C2orf42: variants seen among roughly 807,000 people sequenced by gnomAD.
C2orf42 encodes the protein chromosome 2 open reading frame 42, also known as uncharacterized protein C2orf42.
C2orf42 carries 44 observed loss-of-function variants against 58.9 expected under a neutral mutation model. The ratio of observed to expected loss-of-function variants is 0.75; its 90% confidence interval spans 0.59 to 0.96. C2orf42 has a LOEUF of 0.96. C2orf42 is among the 40% of genes least tolerant of loss of function. The pLI is 0.00. For missense variants in C2orf42, 630 were observed against 699.2 expected (o/e 0.90, Z 1.12); for synonymous variants, 239 against 265.4 (o/e 0.90, Z 0.97).
At chr2:70,175,626 G>A (rs773203772) in intron 5 of C2orf42, 47 bp downstream of exon 5, 14 of 1,097,642 alleles carry the variant, frequency 1.3e-5, no homozygotes, top group Non-Finnish European at 2.0e-5. Context: ...GGCTTCTTTA[G>A]GATGACTTTC....
At position 70,181,598 on chromosome 2, in the gene C2orf42, C is replaced by G; in HGVS notation, c.388G>C (p.Glu130Gln). The G allele has an allele frequency of 2.5e-6, 4 of 1,614,092 alleles. No homozygotes were observed. Among genetic ancestry groups the G allele is most frequent in the Non-Finnish European group, 2.5e-6 (3 of 1,180,026 alleles). The change falls in exon 3 of 10, where the codon GAA becomes CAA. Residue 130 changes from glutamate to glutamine, a missense_variant. By Grantham distance (29) the Glu-to-Gln change is conservative. Transcript: ENST00000264434. ...CLKAATQGVVENQCQHIKLAV... is the reference protein window; with the variant it reads ...CLKAATQGVVQNQCQHIKLAV... Reference sequence around the variant, plus strand: ...AGCTTGATGTGCTGGCACTGGTTTTCCACAACGCCTTGAGTGGCAGCTTTC... The same window carrying G: ...AGCTTGATGTGCTGGCACTGGTTTTGCACAACGCCTTGAGTGGCAGCTTTC...
intron 8 of C2orf42, among the ~76,000 whole-genome samples, chr2:70,162,222 G>C (rs920485864): frequency 3.3e-5 from 5 of 151,866 alleles, no homozygotes; most frequent in Non-Finnish European, 7.4e-5. Flanking sequence ...TGTTGGCGAA[G>C]CTGGTCTCAA....
At chr2:70,159,502 C>A (rs918334356) in intron 9 of C2orf42, among the ~76,000 whole-genome samples, 1 of 150,720 alleles carries the variant, frequency 6.6e-6, no homozygotes, top group African/African-American at 2.4e-5. Flanking sequence ...GCAGGGGAAT[C>A]GCTTGAATCC....
rs78858211 is a variant in C2orf42 at position 70,154,742 on chromosome 2, A to C, written c.1517-4178T>G. Among the ~76,000 whole-genome samples, 94 of 151,680 alleles carry C rather than the reference A, an allele frequency of 6.2e-4. 1 individual carries two copies. In the East Asian group the frequency reaches 0.017, roughly 28 times the overall value. On this transcript the variant is annotated intron_variant, in intron 9 of 9. Transcript: ENST00000264434. ...ATCATGATAAATTCCAGAGAATCAA[A>C]GTTTTTTGTTTTGTTTTGTTTTGTT...
At chr2:70,169,418 A>C (rs943218636) in intron 6 of C2orf42, 139 bp downstream of exon 6, 9 of 468,368 alleles carry the variant, frequency 1.9e-5, no homozygotes, top group Non-Finnish European at 3.8e-6. Flanking sequence ...TTTTCTTTCA[A>C]TTAGATTTCT....
At position 70,160,685 on chromosome 2, in the gene C2orf42, C is replaced by T. The variant is rs150172838; in HGVS notation, c.1456G>A (p.Gly486Ser). ...AGCACTGGTTGTTTTTCTATACGAC[C>T]GTAGGTTTCTGCTATGCTTTCTACT... ...VEVESIAETY[G>S]RIEKQPVLRP... is the part of the protein sequence containing the mutation. The change falls in exon 9 of 10, where the codon GGT becomes AGT. Residue 486 changes from glycine to serine, a missense_variant. Gly to Ser is a moderately conservative substitution (Grantham distance 56). Coordinates refer to ENST00000264434, the MANE Select transcript of C2orf42 (RefSeq NM_017880.3). 11 of 1,613,014 alleles carry T rather than the reference C, an allele frequency of 6.8e-6. No homozygotes were observed. The highest frequency in any genetic ancestry group is 3.3e-5 in the Admixed American group (2 of 59,790).
intron 9 of C2orf42, among the ~76,000 whole-genome samples, chr2:70,155,210 T>C (rs564948991): frequency 6.6e-6 from 1 of 151,898 alleles, no homozygotes; most frequent in South Asian, 2.1e-4. Flanking sequence ...ACCACTGCAC[T>C]CCAGCCTGGT....
rs766405577 is a variant in C2orf42 at position 70,173,909 on chromosome 2, T to G, written c.1039+1764A>C. Among the ~76,000 whole-genome samples the G allele has an allele frequency of 3.2e-4, 48 of 152,250 alleles. No individual in the cohort carries two copies. In the Middle Eastern group the frequency reaches 0.014, roughly 43 times the overall value. On this transcript the variant is annotated intron_variant, in intron 5 of 9. Coordinates refer to ENST00000264434, the MANE Select transcript of C2orf42 (RefSeq NM_017880.3). ...CCAGTCACATAAAACGCCTTTTTCC[T>G]TCAACTTTGAATCTCTATACCAATT...
chr2:70,150,460 A>G lies in C2orf42; in HGVS notation c.1621T>C (p.Tyr541His). The change falls in exon 10 of 10, where the codon TAT becomes CAT. Residue 541 changes from tyrosine (Y) to histidine (H), a missense_variant. Physicochemically the swap from Tyr to His is moderately conservative, Grantham distance 83. Coordinates refer to ENST00000264434, the MANE Select transcript of C2orf42 (RefSeq NM_017880.3). ...ACATGCCCATTCCGGTGGTGGCCATACTCAAACTTGATCCGCAGCTCGCCA... is the reference window on the plus strand; with the variant it reads ...ACATGCCCATTCCGGTGGTGGCCATGCTCAAACTTGATCCGCAGCTCGCCA... ...KIGELRIKFE[Y>H]GHHRNGHVAE... The G allele has an allele frequency of 6.2e-7, 1 of 1,614,130 alleles. No individual in the cohort carries two copies. The highest frequency in any genetic ancestry group is 8.5e-7 in the Non-Finnish European group (1 of 1,180,002).
intron 9 of C2orf42, among the ~76,000 whole-genome samples, chr2:70,158,394 A>G (rs1331418390): frequency 6.6e-6 from 1 of 152,114 alleles, no homozygotes; most frequent in East Asian, 1.9e-4. Context: ...GTTATCAAAC[A>G]TTAATTTAAA....
In C2orf42 at chr2:70,173,770, C is replaced by T. The variant is rs187402689; in HGVS notation, c.1039+1903G>A. Among the ~76,000 whole-genome samples the T allele has an allele frequency of 2.0e-5, 3 of 152,122 alleles. No individual in the cohort carries two copies. The East Asian group carries it at 5.8e-4, about 29-fold the overall frequency. On this transcript the variant is annotated intron_variant, in intron 5 of 9. Coordinates refer to ENST00000264434, the MANE Select transcript of C2orf42 (RefSeq NM_017880.3). ...TAGCTGAGTTTACAGGCATGTGACA[C>T]AACACCCAGCTAATTTTTTTTTGTT...
intron 6 of C2orf42, among the ~76,000 whole-genome samples, chr2:70,167,839 T>C (rs1673507516): frequency 1.3e-5 from 2 of 151,858 alleles, no homozygotes; most frequent in South Asian, 2.1e-4. Context: ...GTAATGGAGA[T>C]GGTAAGATGG....
At chr2:70,164,080 G>A (rs936153899) in intron 8 of C2orf42, among the ~76,000 whole-genome samples, 4 of 151,110 alleles carry the variant, frequency 2.6e-5, no homozygotes, top group South Asian at 2.1e-4. Context: ...GGGAGACTGC[G>A]GCAGACAGAT....
At chr2:70,168,581 C>T (rs944987764) in intron 6 of C2orf42, among the ~76,000 whole-genome samples, 2 of 151,544 alleles carry the variant, frequency 1.3e-5, no homozygotes, top group Admixed American at 1.3e-4. Flanking sequence ...AGCCACCGCA[C>T]CCGGCTGCTA....
At chr2:70,167,222 G>A (rs1245277921) in intron 6 of C2orf42, among the ~76,000 whole-genome samples, 1 of 151,982 alleles carries the variant, frequency 6.6e-6, no homozygotes, top group Non-Finnish European at 1.5e-5. Context: ...GCCGGGCATG[G>A]TGGCATGCGC....
chr2:70,174,040 GCTCACACCT>G (rs1674017541), intron 5 of C2orf42, among the ~76,000 whole-genome samples: 1 of 152,120 alleles, frequency 6.6e-6, no homozygotes, highest in Non-Finnish European at 1.5e-5. Flanking sequence ...AGTCGTGGTG[GCTCACACCT>G]GTAATCTCAG....
At position 70,181,193 on chromosome 2, in the gene C2orf42, A is replaced by C; in HGVS notation, c.793T>G (p.Phe265Val). Residue 265 changes from phenylalanine to valine, a missense_variant, in exon 3 of 10, where the codon TTC becomes GTC. Physicochemically the swap from Phe to Val is conservative, Grantham distance 50 (BLOSUM62 -1). Coordinates refer to ENST00000264434, the MANE Select transcript of C2orf42 (RefSeq NM_017880.3). Reference sequence around the variant, plus strand: ...GAATCAAAATTTAGGAAGTCTGAGAATTCCTGAGCCAGTGTCTCATCACTG... The same window carrying C: ...GAATCAAAATTTAGGAAGTCTGAGACTTCCTGAGCCAGTGTCTCATCACTG... ...FASDETLAQE[F>V]SDFLNFDSSG... 6.4e-7 allele frequency: 1 copy of C among 1,572,412 alleles called. No homozygotes were observed. The highest frequency in any genetic ancestry group is 8.7e-7 in the Non-Finnish European group (1 of 1,155,174).
At chr2:70,183,721 C>T (rs1674734410) in intron 1 of C2orf42, among the ~76,000 whole-genome samples, 1 of 121,974 alleles carries the variant, frequency 8.2e-6, no homozygotes, top group Non-Finnish European at 1.6e-5. Context: ...CGGCCGACCC[C>T]ATCTCTTTAA....
At chr2:70,162,590 G>A (rs185357761) in intron 8 of C2orf42, among the ~76,000 whole-genome samples, 5 of 151,922 alleles carry the variant, frequency 3.3e-5, no homozygotes, top group Admixed American at 3.3e-4. Context: ...GCTGCAGTGA[G>A]CCAAGATTGT....
Sources: allele counts gnomAD v4.1 joint callset (sites outside exome capture counted in the v4.1 genomes callset), GRCh38; gene constraint gnomAD v4.1.1; transcripts MANE v1.5; gene names NCBI Gene and HGNC (gene_info 2026-07-23, HGNC 2026-07-21).